ELP4: variants seen among roughly 807,000 people sequenced by gnomAD.
ELP4 encodes elongator acetyltransferase complex subunit 4, also known as elongator complex protein 4.
A neutral mutation model predicts 48.9 loss-of-function variants in ELP4; 51 were observed. The observed-to-expected ratio is 1.04, with a 90% CI of 0.83 to 1.32. The LOEUF is 1.32. Ranked by LOEUF, ELP4 falls within the 40% of genes most tolerant of loss-of-function variation. ELP4 has a pLI of 0.00. For missense variants in ELP4, 519 were observed against 514.6 expected, an observed-to-expected ratio of 1.01 and a Z score of -0.08; for synonymous variants, 210 against 189.2, an observed-to-expected ratio of 1.11 and a Z score of -0.90.
At chr11:31,544,138 G>C (rs896071549) in intron 3 of ELP4, among the ~76,000 whole-genome samples, 2 of 152,254 alleles carry the variant, frequency 1.3e-5, no homozygotes, top group Non-Finnish European at 2.9e-5. Context: ...GGGAGTGCCA[G>C]ACAGTGGGCG....
chr11:31,604,160 C>T (rs1004848151), intron 5 of ELP4, among the ~76,000 whole-genome samples: 22 of 151,674 alleles, frequency 1.5e-4, no homozygotes, highest in African/African-American at 5.1e-4. Flanking sequence ...AATCAGGACA[C>T]CAAATTTATA....
intron 9 of ELP4, among the ~76,000 whole-genome samples, chr11:31,694,515 G>T (rs1387425954): frequency 6.6e-6 from 1 of 152,056 alleles, no homozygotes; most frequent in African/African-American, 2.4e-5. Context: ...CTGTTCCATT[G>T]GTCTATATCT....
chr11:31,546,606 A>G (rs1956724480), intron 3 of ELP4, among the ~76,000 whole-genome samples: 1 of 152,150 alleles, frequency 6.6e-6, no homozygotes, highest in Non-Finnish European at 1.5e-5. Flanking sequence ...GATACCCAGG[A>G]ATTGAATTCA....
intron 2 of ELP4, among the ~76,000 whole-genome samples, chr11:31,529,071 A>C (rs75742873): frequency 1.3e-5 from 2 of 151,294 alleles, no homozygotes; most frequent in African/African-American, 4.9e-5. Flanking sequence ...CAGTGAGTCA[A>C]TATGCCACTG....
intron 2 of ELP4, among the ~76,000 whole-genome samples, chr11:31,537,755 A>G (rs1288477729): frequency 2.0e-5 from 3 of 152,138 alleles, no homozygotes; most frequent in Non-Finnish European, 2.9e-5. Context: ...ATCCACCACC[A>G]TGAACCAATC....
At chr11:31,741,118 A>C (rs1485540306) in intron 9 of ELP4, among the ~76,000 whole-genome samples, 2 of 152,134 alleles carry the variant, frequency 1.3e-5, no homozygotes, top group African/African-American at 4.8e-5. Context: ...GGAGGGTCCT[A>C]CGCCCATGGA....
chr11:31,567,594 T>A (rs1267858924), intron 3 of ELP4, among the ~76,000 whole-genome samples: 1 of 152,132 alleles, frequency 6.6e-6, no homozygotes, highest in Non-Finnish European at 1.5e-5. Flanking sequence ...AGTCTTAGAA[T>A]CAGTGAAATA....
At chr11:31,552,634 T>C (rs1370589403) in intron 3 of ELP4, among the ~76,000 whole-genome samples, 1 of 152,148 alleles carries the variant, frequency 6.6e-6, no homozygotes, top group Non-Finnish European at 1.5e-5. Context: ...AATACAAATA[T>C]ACTACTTTGA....
chr11:31,596,468 T>A (rs920808178), intron 4 of ELP4, among the ~76,000 whole-genome samples: 7 of 152,198 alleles, frequency 4.6e-5, no homozygotes, highest in African/African-American at 1.2e-4. Flanking sequence ...AACTCTCTCC[T>A]CCACCACACA....
chr11:31,754,421 A>G (rs1287424727), intron 9 of ELP4, among the ~76,000 whole-genome samples: 1 of 152,080 alleles, frequency 6.6e-6, no homozygotes, highest in Non-Finnish European at 1.5e-5. Context: ...CTTGCCAACC[A>G]TGTTCTTACT....
chr11:31,766,918 T>C (rs1186396409), intron 9 of ELP4, among the ~76,000 whole-genome samples: 1 of 152,116 alleles, frequency 6.6e-6, no homozygotes, highest in Non-Finnish European at 1.5e-5. Flanking sequence ...CACTACTTGA[T>C]ATATTTCTAA....
intron 5 of ELP4, among the ~76,000 whole-genome samples, chr11:31,614,690 T>C (rs907779579): frequency 6.6e-6 from 1 of 152,166 alleles, no homozygotes; most frequent in South Asian, 2.1e-4. Flanking sequence ...TATCACCAGA[T>C]AATACGCAAT....
intron 3 of ELP4, among the ~76,000 whole-genome samples, chr11:31,541,785 A>G (rs1956594373): frequency 6.6e-6 from 1 of 152,204 alleles, no homozygotes; most frequent in Non-Finnish European, 1.5e-5. Context: ...TACTTTACAT[A>G]TCCTTCTTTA....
At chr11:31,636,859 G>A (rs573115532) in intron 7 of ELP4, among the ~76,000 whole-genome samples, 13 of 151,880 alleles carry the variant, frequency 8.6e-5, no homozygotes, top group East Asian at 3.9e-4. Flanking sequence ...AAGAAAACAC[G>A]AAAATTGTTC....
chr11:31,597,372 G>A lies in ELP4; in HGVS notation c.513+2471G>A, dbSNP rs139498950. 3.7e-3 allele frequency among the ~76,000 whole-genome samples: 567 copies of A among 152,260 alleles called. 3 individuals are homozygous for A. The highest frequency in any genetic ancestry group is 0.013 in the African/African-American group (520 of 41,550). On this transcript the variant is annotated intron_variant, in intron 4 of 9. Transcript: ENST00000640961. ...GATATAGCCTAGCTTGGATGTGAAC[G>A]AGAACTGGGTGCAAGAGGCCAGAAT...
intron 9 of ELP4, among the ~76,000 whole-genome samples, chr11:31,674,473 A>C (rs1018486015): frequency 6.6e-6 from 1 of 152,238 alleles, no homozygotes; most frequent in Non-Finnish European, 1.5e-5. Flanking sequence ...CATTTTGTTA[A>C]ATAAAAGGTA....
chr11:31,763,006 TTAAA>T (rs1947974952), intron 9 of ELP4, among the ~76,000 whole-genome samples: 1 of 151,914 alleles, frequency 6.6e-6, no homozygotes, highest in African/African-American at 2.4e-5. Context: ...CAAAAGTACT[TTAAA>T]TAATAACAAA....
Position 31,632,262 on chromosome 11 carries a change from T to A in ELP4, c.784T>A (p.Ser262Thr). Residue 262 changes from serine to threonine, a missense_variant, in exon 7 of 10, where the codon TCA becomes ACA. Transcript: ENST00000640961. ...AAGAATAGGAATTCAGAATCTTGGCTCACCTTTATGGGGAGACGATATTTG... is the reference window on the plus strand; with the variant it reads ...AAGAATAGGAATTCAGAATCTTGGCACACCTTTATGGGGAGACGATATTTG... ...ILRIGIQNLG[S>T]PLWGDDICCA... 2.5e-6 allele frequency: 4 copies of A among 1,608,770 alleles called. No individual in the cohort carries two copies. The highest frequency in any genetic ancestry group is 3.4e-6 in the Non-Finnish European group (4 of 1,178,416).
intron 6 of ELP4, 21 bp downstream of exon 6, chr11:31,627,215 CTT>C (rs775794506): frequency 1.2e-6 from 1 of 814,468 alleles, no homozygotes; most frequent in South Asian, 2.1e-5. Flanking sequence ...GCTTCAAAGT[CTT>C]TTATAATTAT....
Sources: allele counts gnomAD v4.1 joint callset (sites outside exome capture counted in the v4.1 genomes callset), GRCh38; gene constraint gnomAD v4.1.1; transcripts MANE v1.5; gene names NCBI Gene and HGNC (gene_info 2026-07-23, HGNC 2026-07-21).